Variants in CABLES1 observed in about 807,000 individuals in gnomAD.
CABLES1 encodes Cdk5 and Abl enzyme substrate 1.
Under a neutral mutation model 57.8 loss-of-function variants are expected in CABLES1, and 36 were observed. The ratio of observed to expected loss-of-function variants is 0.62; its 90% CI spans 0.48 to 0.82. The LOEUF is 0.82. Among genes scored for constraint, CABLES1 ranks in the 40% least tolerant of loss-of-function variants. The pLI is 0.00. For missense variants in CABLES1, 767 were observed against 836.6 expected (o/e 0.92, Z 1.03); for synonymous variants, 374 against 363.0 (o/e 1.03, Z -0.35).
chr18:23,255,723 CTAATT>C (rs1443225321), intron 9 of CABLES1, among the ~76,000 whole-genome samples: 4 of 151,924 alleles, frequency 2.6e-5, no homozygotes, highest in Admixed American at 6.6e-5. Flanking sequence ...CTGCGCCTGG[CTAATT>C]TTTTTTATTT....
intron 1 of CABLES1, among the ~76,000 whole-genome samples, chr18:23,140,438 C>CTTT (rs11358415): frequency 1.4e-5 from 2 of 138,320 alleles, no homozygotes; most frequent in Non-Finnish European, 3.1e-5. Context: ...CGTTTTCTTT[C>CTTT]TTTTTTTTTT....
chr18:23,158,047 T>C (rs896813371), intron 1 of CABLES1, among the ~76,000 whole-genome samples: 2 of 150,482 alleles, frequency 1.3e-5, no homozygotes, highest in Admixed American at 6.7e-5. Flanking sequence ...TTTGGGAGGC[T>C]GAGGCAGGTG....
chr18:23,219,149 CT>C (rs1418165458), intron 4 of CABLES1: 3 of 453,922 alleles, frequency 6.6e-6, no homozygotes, highest in Non-Finnish European at 1.3e-5. Flanking sequence ...TGGTGAGCAC[CT>C]ACTGTGTGCT....
chr18:23,184,124 G>A (rs1157558020), intron 1 of CABLES1, among the ~76,000 whole-genome samples: 1 of 152,158 alleles, frequency 6.6e-6, no homozygotes, highest in South Asian at 2.1e-4. Context: ...TACAGTGACT[G>A]GTGGTAGTTC....
chr18:23,203,384 G>A (rs2047339956), intron 3 of CABLES1, among the ~76,000 whole-genome samples: 1 of 151,650 alleles, frequency 6.6e-6, no homozygotes, highest in Admixed American at 6.6e-5. Flanking sequence ...AGATGTAAAA[G>A]GATTTGAGAT....
At chr18:23,145,024 C>T (rs1376957127) in intron 1 of CABLES1, among the ~76,000 whole-genome samples, 1 of 151,910 alleles carries the variant, frequency 6.6e-6, no homozygotes, top group Non-Finnish European at 1.5e-5. Flanking sequence ...CAACCTCCGC[C>T]TCCTGGGTTC....
intron 4 of CABLES1, among the ~76,000 whole-genome samples, chr18:23,228,342 A>G (rs556212799): frequency 1.2e-4 from 19 of 152,340 alleles, no homozygotes; most frequent in Non-Finnish European, 1.6e-4. Context: ...TTTATGATTA[A>G]TAATGACCTA....
intron 1 of CABLES1, among the ~76,000 whole-genome samples, chr18:23,143,071 A>G (rs563933006): frequency 6.6e-6 from 1 of 152,266 alleles, no homozygotes; most frequent in African/African-American, 2.4e-5. Context: ...AGGCTCATGC[A>G]TGCTTGTTAA....
At chr18:23,169,122 C>T (rs1451764225) in intron 1 of CABLES1, among the ~76,000 whole-genome samples, 1 of 152,170 alleles carries the variant, frequency 6.6e-6, no homozygotes, top group African/African-American at 2.4e-5. Context: ...TACACTCCCA[C>T]CAGCGCCATG....
chr18:23,149,824 G>T (rs1246077103), intron 1 of CABLES1: 2 of 152,234 alleles, frequency 1.3e-5, no homozygotes, highest in African/African-American at 4.8e-5. Context: ...TTCAGGCTTG[G>T]GAGCAGCCAC....
At chr18:23,224,603 C>T (rs1191920149) in intron 4 of CABLES1, among the ~76,000 whole-genome samples, 5 of 125,302 alleles carry the variant, frequency 4.0e-5, no homozygotes, top group African/African-American at 1.5e-4. Context: ...GAGTCTCTCT[C>T]AGTTGCTCAG....
chr18:23,191,844 T>A (rs2047245196), intron 2 of CABLES1, among the ~76,000 whole-genome samples: 1 of 149,362 alleles, frequency 6.7e-6, no homozygotes, highest in Admixed American at 6.8e-5. Flanking sequence ...TTGGCAATTG[T>A]TGCCAACGCC....
At chr18:23,181,527 A>AAAAAAAAAT (rs2047166799) in intron 1 of CABLES1, among the ~76,000 whole-genome samples, 2 of 146,722 alleles carry the variant, frequency 1.4e-5, no homozygotes, top group Admixed American at 7.1e-5. Context: ...AAAAAAAAAA[A>AAAAAAAAAT]GATGCCCACT....
chr18:23,224,106 G>A (rs1008479550), intron 4 of CABLES1, among the ~76,000 whole-genome samples: 2 of 149,150 alleles, frequency 1.3e-5, no homozygotes, highest in Non-Finnish European at 3.0e-5. Flanking sequence ...GGAGACTGTC[G>A]GCTTCCACTT....
intron 2 of CABLES1, among the ~76,000 whole-genome samples, chr18:23,190,948 A>T (rs762428412): frequency 6.6e-6 from 1 of 151,762 alleles, no homozygotes; most frequent in Non-Finnish European, 1.5e-5. Flanking sequence ...ATAAATAAAT[A>T]AGGTTCTCAT....
chr18:23,179,528 G>A (rs888509769), intron 1 of CABLES1, among the ~76,000 whole-genome samples: 3 of 152,224 alleles, frequency 2.0e-5, no homozygotes, highest in Non-Finnish European at 4.4e-5. Context: ...GTGCTCAGAG[G>A]TATGGATGGC....
chr18:23,204,578 A>G (rs1021038661), intron 3 of CABLES1: 2 of 152,360 alleles, frequency 1.3e-5, no homozygotes, highest in Non-Finnish European at 2.9e-5. Context: ...ATAAAGACCT[A>G]CATGAGACTG....
chr18:23,208,536 G>A (rs1000647850), intron 3 of CABLES1, among the ~76,000 whole-genome samples: 5 of 152,210 alleles, frequency 3.3e-5, no homozygotes, highest in African/African-American at 1.2e-4. Flanking sequence ...GGAAGAGAAT[G>A]AGTTTTCCAA....
chr18:23,143,540 ATACT>A (rs2046871163), intron 1 of CABLES1, among the ~76,000 whole-genome samples: 1 of 152,108 alleles, frequency 6.6e-6, no homozygotes, highest in African/African-American at 2.4e-5. Flanking sequence ...TTTATAAATA[ATACT>A]TTCTTGGAAA....
Sources: gnomAD v4.1 joint callset for allele counts (sites outside exome capture counted in the v4.1 genomes callset) on GRCh38, gnomAD v4.1.1 for gene constraint, MANE v1.5 for transcripts, NCBI Gene and HGNC (gene_info 2026-07-23, HGNC 2026-07-21) for gene names.